Variants in TCF7L2 observed in about 807,000 individuals in gnomAD.
The protein encoded by TCF7L2 is transcription factor 7-like 2.
TCF7L2 carries 23 observed loss-of-function variants against 77.9 expected under a neutral mutation model. That is an observed-to-expected ratio of 0.30 (90% CI 0.21 to 0.42). The LOEUF is 0.42. Among genes scored for constraint, TCF7L2 ranks in the 10% least tolerant of loss-of-function variants. The pLI, the probability that TCF7L2 is intolerant of heterozygous loss-of-function variation, is 1.00. For synonymous variants in TCF7L2, 413 were observed against 340.2 expected (o/e 1.21, Z -2.36); for missense variants, 654 against 793.1 (o/e 0.82, Z 2.11).
chr10:113,110,140 C>T (rs1378007701), intron 5 of TCF7L2, among the ~76,000 whole-genome samples: 2 of 152,170 alleles, frequency 1.3e-5, no homozygotes, highest in East Asian at 3.9e-4. Flanking sequence ...GGAAGCTCTT[C>T]TGTTAGAGAA....
At chr10:113,051,158 C>A (rs1472418791) in intron 5 of TCF7L2, among the ~76,000 whole-genome samples, 2 of 150,782 alleles carry the variant, frequency 1.3e-5, no homozygotes, top group African/African-American at 4.9e-5. Context: ...CAGAGAGGAT[C>A]TAAATCTGGC....
intron 4 of TCF7L2, among the ~76,000 whole-genome samples, chr10:112,998,502 G>C (rs1482363056): frequency 6.6e-6 from 1 of 152,170 alleles, no homozygotes; most frequent in Admixed American, 6.5e-5. Flanking sequence ...CTTTTTAAAT[G>C]GTGACAAATT....
intron 4 of TCF7L2, among the ~76,000 whole-genome samples, chr10:113,027,207 A>G (rs2049336409): frequency 1.3e-5 from 2 of 152,206 alleles, no homozygotes; most frequent in South Asian, 4.1e-4. Context: ...ATATTTCTTC[A>G]GCACTTTTTG....
intron 4 of TCF7L2, among the ~76,000 whole-genome samples, chr10:112,978,626 C>T (rs909374217): frequency 2.7e-5 from 4 of 147,092 alleles, no homozygotes; most frequent in Non-Finnish European, 4.5e-5. Context: ...GCCACCACGC[C>T]TGGCTAATTT....
In TCF7L2 at chr10:113,054,500, G is replaced by T. The variant is rs547303803; in HGVS notation, c.552+14374G>T. Among the ~76,000 whole-genome samples the T allele has an allele frequency of 9.9e-5, 15 of 152,270 alleles. 1 individual carries two copies. The highest frequency in any genetic ancestry group is 2.0e-4 in the Admixed American group (3 of 15,286). On this transcript the variant is annotated intron_variant, in intron 5 of 13. Transcript: ENST00000627217. Reference sequence around the variant, plus strand: ...AGAGGTGGGCTTCCCTGTTTTTAGTGGCTGTGTCTGATTGTTCTGTCTGTT... The same window carrying T: ...AGAGGTGGGCTTCCCTGTTTTTAGTTGCTGTGTCTGATTGTTCTGTCTGTT...
chr10:113,044,805 G>A (rs1168433580), intron 5 of TCF7L2, among the ~76,000 whole-genome samples: 1 of 152,204 alleles, frequency 6.6e-6, no homozygotes, highest in Non-Finnish European at 1.5e-5. Flanking sequence ...TTGGACAGAG[G>A]CAGGAAATCA....
chr10:113,005,989 C>A (rs1056989903), intron 4 of TCF7L2, among the ~76,000 whole-genome samples: 1 of 150,816 alleles, frequency 6.6e-6, no homozygotes, highest in East Asian at 2.0e-4. Flanking sequence ...AAGAACATTC[C>A]AATAGGAATG....
intron 5 of TCF7L2, among the ~76,000 whole-genome samples, chr10:113,120,360 A>G (rs1036978607): frequency 6.6e-5 from 10 of 152,186 alleles, no homozygotes; most frequent in Non-Finnish European, 1.0e-4. Context: ...AACCACATCA[A>G]CTTTCTAAGA....
intron 5 of TCF7L2, among the ~76,000 whole-genome samples, chr10:113,097,649 A>AAAAAAAAAAAACAAAAAAAAAAAAAAC (rs2061163151): frequency 9.2e-6 from 1 of 108,656 alleles, no homozygotes; most frequent in Admixed American, 9.0e-5. Context: ...TGTCTCGGAA[A>AAAAAAAAAAAACAAAAAAAAAAAAAAC]AAAAAAAAAA....
intron 8 of TCF7L2, among the ~76,000 whole-genome samples, chr10:113,149,091 A>G (rs1357445388): frequency 6.6e-6 from 1 of 152,230 alleles, no homozygotes; most frequent in Non-Finnish European, 1.5e-5. Flanking sequence ...CAAAATTCAC[A>G]GTAAAAGCTG....
chr10:113,043,301 C>T (rs753909290), intron 5 of TCF7L2, among the ~76,000 whole-genome samples: 1 of 152,290 alleles, frequency 6.6e-6, no homozygotes. Flanking sequence ...GGATTATTTT[C>T]ATGTGGTATG....
intron 3 of TCF7L2, among the ~76,000 whole-genome samples, chr10:112,959,863 A>T (rs1262755848): frequency 2.0e-5 from 3 of 152,226 alleles, no homozygotes; most frequent in Non-Finnish European, 2.9e-5. Flanking sequence ...TACTAAAAAA[A>T]AGTATTTTGT....
intron 5 of TCF7L2, among the ~76,000 whole-genome samples, chr10:113,086,435 G>T (rs1482866829): frequency 1.3e-5 from 2 of 152,068 alleles, no homozygotes; most frequent in African/African-American, 4.8e-5. Flanking sequence ...ACTGCACAGA[G>T]GCTTATTCAA....
At chr10:113,160,022 T>C in intron 12 of TCF7L2, 30 bp downstream of exon 14, 1 of 1,605,378 alleles carries the variant, frequency 6.2e-7, no homozygotes, top group Non-Finnish European at 8.5e-7. Context: ...TTCGCTGTGC[T>C]GGTTTGCAGC....
At chr10:112,955,992 C>T (rs1261248778) in intron 3 of TCF7L2, among the ~76,000 whole-genome samples, 3 of 151,890 alleles carry the variant, frequency 2.0e-5, no homozygotes, top group Non-Finnish European at 4.4e-5. Flanking sequence ...CTAGATTTCT[C>T]GGTGGAGAAA....
intron 5 of TCF7L2, among the ~76,000 whole-genome samples, chr10:113,045,523 A>G (rs1227506870): frequency 1.3e-5 from 2 of 152,142 alleles, no homozygotes; most frequent in Non-Finnish European, 2.9e-5. Context: ...CCACCTGGGC[A>G]TGGTGGGCAT....
chr10:113,142,407 C>G (rs1272178737), intron 6 of TCF7L2, among the ~76,000 whole-genome samples: 1 of 152,192 alleles, frequency 6.6e-6, no homozygotes, highest in African/African-American at 2.4e-5. Context: ...GGCAGGCAGC[C>G]CCAGCAGCCT....
intron 5 of TCF7L2, among the ~76,000 whole-genome samples, chr10:113,133,478 A>G (rs2066917718): frequency 6.6e-6 from 1 of 152,092 alleles, no homozygotes; most frequent in African/African-American, 2.4e-5. Flanking sequence ...TAGACCCTTC[A>G]TGTTTGGCAG....
intron 4 of TCF7L2, among the ~76,000 whole-genome samples, chr10:112,984,433 CTTT>C (rs2041101558): frequency 6.6e-6 from 1 of 152,142 alleles, no homozygotes; most frequent in Non-Finnish European, 1.5e-5. Flanking sequence ...GATGGCATGG[CTTT>C]TTAGCAAGAG....
Sources: allele counts gnomAD v4.1 joint callset (sites outside exome capture counted in the v4.1 genomes callset), GRCh38; gene constraint gnomAD v4.1.1; transcripts MANE v1.5; gene names NCBI Gene and HGNC (gene_info 2026-07-23, HGNC 2026-07-21).